PCDH15: variants seen among roughly 807,000 people sequenced by gnomAD.
PCDH15 encodes protocadherin related 15.
PCDH15 carries 129 observed loss-of-function variants against 178.5 expected under a neutral mutation model. That is an observed-to-expected ratio of 0.72 (90% CI 0.63 to 0.84). The LOEUF is 0.84. PCDH15 is among the 40% of genes least tolerant of loss of function. The pLI is 0.00. For missense variants in PCDH15, 2,230 were observed against 2,099.9 expected (o/e 1.06, Z -1.21); for synonymous variants, 800 against 732.0 (o/e 1.09, Z -1.50).
At chr10:55,044,154 T>G (rs1427015830) in intron 2 of PCDH15, among the ~76,000 whole-genome samples, 5 of 152,176 alleles carry the variant, frequency 3.3e-5, no homozygotes, top group Non-Finnish European at 7.4e-5. Flanking sequence ...AATGTCCCGA[T>G]GCAGGTGACA....
rs182314452 is a variant in PCDH15, at chr10:54,510,783, G to C, written c.157+17029C>G. 3.9e-5 allele frequency among the ~76,000 whole-genome samples: 6 copies of C among 152,268 alleles called. No individual in the cohort carries two copies. In the East Asian group the frequency reaches 1.2e-3, roughly 29 times the overall value. ...TTATGAAAAGTTCTTTCTTATTTTG[G>C]TGTGAATGTATTTCAAAAAGATTAA... On this transcript the variant is annotated intron_variant, in intron 3 of 37. Coordinates refer to ENST00000644397, the MANE Select transcript of PCDH15 (RefSeq NM_001384140.1).
At chr10:54,811,632 C>T (rs922752917) in intron 3 of PCDH15, among the ~76,000 whole-genome samples, 5 of 151,922 alleles carry the variant, frequency 3.3e-5, no homozygotes, top group East Asian at 3.9e-4. Flanking sequence ...CACGACGCCC[C>T]GCAATTTTTT....
chr10:54,303,057 A>C (rs2060239860), intron 8 of PCDH15, among the ~76,000 whole-genome samples: 1 of 152,174 alleles, frequency 6.6e-6, no homozygotes, highest in South Asian at 2.1e-4. Flanking sequence ...TTGAATAATG[A>C]GTCACTTCTA....
intron 21 of PCDH15, among the ~76,000 whole-genome samples, chr10:53,966,707 T>G (rs1242033115): frequency 1.3e-5 from 2 of 151,998 alleles, no homozygotes; most frequent in East Asian, 3.8e-4. Flanking sequence ...AAATTATGAA[T>G]TAGCATTTAT....
chr10:54,277,966 C>T (rs906113975), intron 8 of PCDH15, among the ~76,000 whole-genome samples: 1 of 151,458 alleles, frequency 6.6e-6, no homozygotes, highest in Non-Finnish European at 1.5e-5. Context: ...TGCTTATTAG[C>T]ACCCAACTAG....
chr10:55,017,001 C>A (rs1009269695), intron 2 of PCDH15, among the ~76,000 whole-genome samples: 19 of 151,890 alleles, frequency 1.3e-4, no homozygotes, highest in South Asian at 2.1e-4. Context: ...GAAGTGAGTG[C>A]AAAAAGCTAT....
At chr10:55,095,197 C>A (rs569755101) in intron 2 of PCDH15, among the ~76,000 whole-genome samples, 612 of 152,120 alleles carry the variant, frequency 4.0e-3, no homozygotes, top group Non-Finnish European at 7.3e-3. Context: ...CCACCTCAGC[C>A]TTCCAAAGTG....
At chr10:53,880,609 A>G (rs1406857774) in intron 26 of PCDH15, among the ~76,000 whole-genome samples, 1 of 152,014 alleles carries the variant, frequency 6.6e-6, no homozygotes, top group Non-Finnish European at 1.5e-5. Flanking sequence ...ATTTTTAAAA[A>G]AACCTTTCTT....
At chr10:53,822,631 C>G (rs757377176) in intron 32 of PCDH15, 2 of 1,613,956 alleles carry the variant, frequency 1.2e-6, no homozygotes, top group South Asian at 1.1e-5. Flanking sequence ...GGAGAAAGTT[C>G]CAAGGAACAC....
intron 8 of PCDH15, among the ~76,000 whole-genome samples, chr10:54,289,747 C>T (rs779143564): frequency 6.6e-6 from 1 of 152,076 alleles, no homozygotes; most frequent in Non-Finnish European, 1.5e-5. Context: ...CTTTGTGATG[C>T]ATACACAAGC....
chr10:55,081,114 A>T (rs1193363008), intron 2 of PCDH15, among the ~76,000 whole-genome samples: 1 of 152,096 alleles, frequency 6.6e-6, no homozygotes, highest in Non-Finnish European at 1.5e-5. Context: ...TGCAGCCGTC[A>T]ATAGTGGAAT....
chr10:55,257,608 G>T (rs1400496492), intron 1 of PCDH15, among the ~76,000 whole-genome samples: 3 of 152,180 alleles, frequency 2.0e-5, no homozygotes, highest in African/African-American at 7.2e-5. Context: ...CAATCAACTG[G>T]AAGAAAAGGT....
intron 2 of PCDH15, among the ~76,000 whole-genome samples, chr10:55,483,720 GC>G (rs1171322169): frequency 6.6e-6 from 1 of 151,256 alleles, no homozygotes; most frequent in Non-Finnish European, 1.5e-5. Context: ...GGAGGCTAAG[GC>G]AGGAGAATCA....
At chr10:54,882,373 C>T (rs958677880) in intron 3 of PCDH15, among the ~76,000 whole-genome samples, 2 of 151,926 alleles carry the variant, frequency 1.3e-5, no homozygotes, top group African/African-American at 2.4e-5. Context: ...CTCATAAAGT[C>T]GGAAAATGTC....
chr10:54,797,164 T>G (rs547349631), intron 1 of PCDH15, among the ~76,000 whole-genome samples: 1 of 152,094 alleles, frequency 6.6e-6, no homozygotes, highest in East Asian at 1.9e-4. Flanking sequence ...TTCAAAGTAA[T>G]AGGAACTACA....
rs185042789 is a variant in PCDH15, at chr10:54,695,566, C to A, written c.-28-31276G>T. Among the ~76,000 whole-genome samples, 75 of 152,126 alleles carry A rather than the reference C, an allele frequency of 4.9e-4. 1 individual carries two copies. The highest frequency in any genetic ancestry group is 1.6e-3 in the Admixed American group (24 of 15,250). On this transcript the variant is annotated intron_variant, in intron 1 of 37. Coordinates refer to ENST00000644397, the MANE Select transcript of PCDH15 (RefSeq NM_001384140.1). ...GAGATTTTTAATATAGATGAAAATA[C>A]CTTCTATGGAAGGATGCCGTGTAAA... is the stretch of plus-strand genomic sequence containing the variant.
intron 1 of PCDH15, among the ~76,000 whole-genome samples, chr10:55,238,638 A>G (rs1441850391): frequency 3.3e-5 from 5 of 152,122 alleles, no homozygotes; most frequent in African/African-American, 9.7e-5. Flanking sequence ...GACACTTCTA[A>G]ATTACTTTGG....
intron 37 of PCDH15, chr10:53,809,513 CA>C: frequency 6.2e-7 from 1 of 1,610,262 alleles, no homozygotes; most frequent in Non-Finnish European, 8.5e-7. Flanking sequence ...TCTCTAATTT[CA>C]ACCTTTGGTT....
chr10:54,880,810 T>C (rs1172006501), intron 3 of PCDH15, among the ~76,000 whole-genome samples: 2 of 150,070 alleles, frequency 1.3e-5, no homozygotes, highest in Non-Finnish European at 3.0e-5. Flanking sequence ...AAGTGGCATA[T>C]ATAAAGGAAA....
Sources: gnomAD v4.1 joint callset for allele counts (sites outside exome capture counted in the v4.1 genomes callset) on GRCh38, gnomAD v4.1.1 for gene constraint, MANE v1.5 for transcripts, NCBI Gene and HGNC (gene_info 2026-07-23, HGNC 2026-07-21) for gene names.